Variants in ADCK1 observed in about 807,000 individuals in gnomAD.
ADCK1 encodes the protein aarF domain-containing protein kinase 1.
A neutral mutation model predicts 52.3 loss-of-function variants in ADCK1; 41 were observed. The observed-to-expected ratio is 0.78, with a 90% confidence interval of 0.61 to 1.02. The LOEUF is 1.02. Ranked by LOEUF, ADCK1 falls within the 50% of genes least tolerant of loss-of-function variation. The pLI is 0.00. For synonymous variants in ADCK1, 250 were observed against 274.6 expected, an observed-to-expected ratio of 0.91 and a Z score of 0.89; for missense variants, 658 against 679.5, an observed-to-expected ratio of 0.97 and a Z score of 0.35.
At chr14:77,858,936 G>A in intron 3 of ADCK1, 140 bp from the exon 4 acceptor site, 2 of 716,048 alleles carry the variant, frequency 2.8e-6, no homozygotes, top group South Asian at 2.2e-5. Context: ...AGGTGTGTGT[G>A]TGTGCGTGTG....
At chr14:77,929,281 T>C (rs551469302) in intron 9 of ADCK1, among the ~76,000 whole-genome samples, 1 of 152,134 alleles carries the variant, frequency 6.6e-6, no homozygotes, top group East Asian at 1.9e-4. Flanking sequence ...AGCCTGGAGA[T>C]GGGTGGGTTA....
chr14:77,900,208 C>T (rs1009189193), intron 6 of ADCK1, among the ~76,000 whole-genome samples: 2 of 152,262 alleles, frequency 1.3e-5, no homozygotes, highest in South Asian at 2.1e-4. Flanking sequence ...ATACACATGG[C>T]ACTTTACCTT....
intron 4 of ADCK1, among the ~76,000 whole-genome samples, chr14:77,874,580 G>A (rs2082856987): frequency 6.6e-6 from 1 of 152,150 alleles, no homozygotes; most frequent in South Asian, 2.1e-4. Context: ...GGCCTGGATG[G>A]CTTGGGTGTC....
At chr14:77,930,768 A>G (rs1217527689) in intron 9 of ADCK1, among the ~76,000 whole-genome samples, 1 of 152,196 alleles carries the variant, frequency 6.6e-6, no homozygotes, top group Non-Finnish European at 1.5e-5. Flanking sequence ...TAAATGCTCA[A>G]TATATGGTGC....
chr14:77,834,431 G>A (rs2081919971), intron 3 of ADCK1, among the ~76,000 whole-genome samples: 1 of 152,120 alleles, frequency 6.6e-6, no homozygotes, highest in South Asian at 2.1e-4. Flanking sequence ...CTCTTGTCTC[G>A]ATCTTTACCC....
chr14:77,886,946 A>AACAC (rs754135364), intron 4 of ADCK1, 145 bp from the exon 5 acceptor site: 3 of 656,264 alleles, frequency 4.6e-6, no homozygotes, highest in African/African-American at 3.1e-5. Flanking sequence ...ACACACGCAC[A>AACAC]ACACACACAC....
At chr14:77,879,135 C>T (rs17106522) in intron 4 of ADCK1, among the ~76,000 whole-genome samples, 4 of 152,044 alleles carry the variant, frequency 2.6e-5, no homozygotes, top group Non-Finnish European at 5.9e-5. Flanking sequence ...TTCAGCTCCC[C>T]TGGATCAGCT....
Position 77,931,602 on chromosome 14 carries a change from A to G in ADCK1, c.1291A>G (p.Ile431Val). The part of the protein sequence containing the change: ...LNHVPRQMLL[I>V]LKTNDLLRGI... Reference sequence around the variant, plus strand: ...CCACGTGCCGCGCCAGATGCTGCTCATCTTGAAGACCAACGACCTGCTGCG... The same window carrying G: ...CCACGTGCCGCGCCAGATGCTGCTCGTCTTGAAGACCAACGACCTGCTGCG... Residue 431 changes from isoleucine to valine, a missense_variant, in exon 10 of 11, where the codon ATC becomes GTC. Ile to Val is a conservative substitution (Grantham distance 29, BLOSUM62 3). Transcript: ENST00000238561. 6.2e-7 allele frequency: 1 copy of G among 1,613,810 alleles called. No individual in the cohort carries two copies. The highest frequency in any genetic ancestry group is 2.2e-5 in the East Asian group (1 of 44,880).
At chr14:77,913,635 T>C (rs914838268) in intron 7 of ADCK1, among the ~76,000 whole-genome samples, 1 of 152,232 alleles carries the variant, frequency 6.6e-6, no homozygotes, top group African/African-American at 2.4e-5. Flanking sequence ...TTAATTGGAT[T>C]TCAGTGAGTC....
chr14:77,889,839 A>G (rs2083242409), intron 5 of ADCK1, among the ~76,000 whole-genome samples: 1 of 149,632 alleles, frequency 6.7e-6, no homozygotes, highest in Admixed American at 6.7e-5. Flanking sequence ...CTTTTGATAG[A>G]TGAATGTGGT....
intron 3 of ADCK1, among the ~76,000 whole-genome samples, chr14:77,827,001 G>C (rs1242720900): frequency 6.6e-6 from 1 of 152,128 alleles, no homozygotes; most frequent in South Asian, 2.1e-4. Context: ...GCTGTTGGCA[G>C]CCATCTTTGC....
chr14:77,863,133 A>G (rs907510430), intron 4 of ADCK1, among the ~76,000 whole-genome samples: 6 of 152,194 alleles, frequency 3.9e-5, no homozygotes, highest in Admixed American at 1.3e-4. Context: ...CTGAGGTCAC[A>G]TTATGAAGGG....
rs536814483 is a variant in ADCK1, at chr14:77,817,758, C to T, written c.-11-1210C>T. ...AGTCTTCTTTTTTTTTTTTTTGAGA[C>T]GGAGTCTCGCTCTGTCACCCAGGCT... On this transcript the variant is annotated intron_variant, in intron 1 of 10. Transcript: ENST00000238561. Among the ~76,000 whole-genome samples the T allele has an allele frequency of 6.0e-5, 9 of 149,710 alleles. No homozygotes were observed. In the East Asian group the frequency reaches 9.9e-4, roughly 16 times the overall value.
chr14:77,910,662 G>T (rs554394752), intron 7 of ADCK1, among the ~76,000 whole-genome samples: 1 of 152,308 alleles, frequency 6.6e-6, no homozygotes, highest in East Asian at 1.9e-4. Context: ...GCCCAGAGCC[G>T]TAATGGTGTT....
rs146680645 is a variant in ADCK1, at chr14:77,924,348, G to A, written c.859-109G>A. 222 of 1,437,600 alleles carry A rather than the reference G, an allele frequency of 1.5e-4. 1 individual carries two copies. The highest frequency in any genetic ancestry group is 8.1e-4 in the East Asian group (35 of 43,416). The allele number at this position is 1,437,600 out of a possible 1,614,324, so 89.1% of individuals were successfully genotyped here. ...CCCACCACAACCGCTCCGGCCCACC[G>A]ATTTTCTCTGGCCTCCCCTTAAAAG... On this transcript the variant is annotated intron_variant, in intron 7 of 10. Coordinates refer to ENST00000238561, the MANE Select transcript of ADCK1 (RefSeq NM_020421.4).
chr14:77,903,565 C>T (rs559898575), intron 6 of ADCK1, among the ~76,000 whole-genome samples: 6 of 152,234 alleles, frequency 3.9e-5, no homozygotes, highest in East Asian at 1.9e-4. Context: ...GGCAGCAGAG[C>T]GTATGTGCCA....
chr14:77,815,412 C>A (rs2081426173), intron 1 of ADCK1, among the ~76,000 whole-genome samples: 1 of 151,306 alleles, frequency 6.6e-6, no homozygotes, highest in Non-Finnish European at 1.5e-5. Flanking sequence ...TCCCTTTTTT[C>A]TTCCCCAGGC....
chr14:77,925,414 G>C (rs1379248312), intron 8 of ADCK1, among the ~76,000 whole-genome samples: 1 of 152,230 alleles, frequency 6.6e-6, no homozygotes, highest in Non-Finnish European at 1.5e-5. Context: ...GAAAGTTTCT[G>C]TGGGCCAGGC....
intron 4 of ADCK1, among the ~76,000 whole-genome samples, chr14:77,868,464 C>A (rs1313927021): frequency 6.6e-6 from 1 of 152,224 alleles, no homozygotes; most frequent in Non-Finnish European, 1.5e-5. Context: ...TTCCTGCGGA[C>A]TTTGAGGAAG....
Sources: gnomAD v4.1 joint callset for allele counts (sites outside exome capture counted in the v4.1 genomes callset) on GRCh38, gnomAD v4.1.1 for gene constraint, MANE v1.5 for transcripts, NCBI Gene and HGNC (gene_info 2026-07-23, HGNC 2026-07-21) for gene names.